Variants in PRDM16 observed in about 807,000 individuals in gnomAD.
PRDM16 encodes the protein PR/SET domain 16, also known as histone-lysine N-methyltransferase PRDM16.
PRDM16 carries 23 observed loss-of-function variants against 110.6 expected under a neutral mutation model. The observed-to-expected ratio is 0.21, with a 90% CI of 0.15 to 0.29. The LOEUF (loss-of-function observed/expected upper bound fraction) is 0.29, where lower values mean the gene tolerates loss of function less well. PRDM16 is among the 10% of genes least tolerant of loss of function. PRDM16 has a pLI of 1.00. For missense variants in PRDM16, 1,615 were observed against 1,794.3 expected (o/e 0.90, Z 1.81); for synonymous variants, 799 against 781.8 (o/e 1.02, Z -0.37).
At chr1:3,430,505 C>T (rs1249838140) in intron 14 of PRDM16, among the ~76,000 whole-genome samples, 2 of 152,248 alleles carry the variant, frequency 1.3e-5, no homozygotes, top group Non-Finnish European at 2.9e-5. Flanking sequence ...GAGGGTGCCC[C>T]TCGTGCACTG....
At chr1:3,193,060 C>T (rs549681840) in intron 2 of PRDM16, among the ~76,000 whole-genome samples, 6 of 151,994 alleles carry the variant, frequency 3.9e-5, no homozygotes, top group East Asian at 1.9e-4. Flanking sequence ...GCAGACACAG[C>T]GGCCAGATGG....
rs932569189 is a variant in PRDM16, at chr1:3,412,664, C to T, written c.2467C>T (p.Arg823Cys). 48 of 1,526,146 alleles carry T rather than the reference C, an allele frequency of 3.1e-5. No homozygotes were observed. Among genetic ancestry groups the T allele is most frequent in the African/African-American group, 5.6e-5 (4 of 71,994 alleles). 94.5% of individuals were successfully genotyped at this position (1,526,146 alleles called of 1,614,324 possible). A position where few individuals can be genotyped will look rare whatever the true frequency, so the allele number is the denominator to read the frequency against. ...CCAAAACGGCGGCGGGCGGGAGCCC[C>T]GCAAGAACCACGTCTATGGGGAACG... ...ASQNGGGREP[R>C]KNHVYGERKL... The change falls in exon 9 of 17, where the codon CGC becomes TGC. Residue 823 changes from arginine to cysteine, a missense_variant. By Grantham distance (180) the Arg-to-Cys change is radical (BLOSUM62 -3). Around this residue, in one of 5 missense-constraint regions of PRDM16, gnomAD observed 772 missense variants for 748.3 expected, o/e 1.03. Coordinates refer to ENST00000270722, the MANE Select transcript of PRDM16 (RefSeq NM_022114.4).
intron 1 of PRDM16, among the ~76,000 whole-genome samples, chr1:3,121,378 C>T (rs891668995): frequency 3.3e-5 from 5 of 152,354 alleles, no homozygotes; most frequent in South Asian, 2.1e-4. Context: ...ATTTTAAAAG[C>T]CTGTCCTGGA....
Position 3,402,921 on chromosome 1 carries a change from G to A in PRDM16, c.807G>A (p.Lys269=). Residue 269 remains lysine, a synonymous_variant, in exon 6 of 17, where the codon AAG becomes AAA. Coordinates refer to ENST00000270722, the MANE Select transcript of PRDM16 (RefSeq NM_022114.4). ...ACGAGGGCCTGGCTGAGGAGCTCAAGCCCGAGGGCCTTGGCGGTGGCAGCG... is the reference window on the plus strand; with the variant it reads ...ACGAGGGCCTGGCTGAGGAGCTCAAACCCGAGGGCCTTGGCGGTGGCAGCG... ...ALYEGLAEEL[K]PEGLGGGSGQ... The A allele has an allele frequency of 6.2e-7, 1 of 1,612,826 alleles. No homozygotes were observed. Among genetic ancestry groups the A allele is most frequent in the Non-Finnish European group, 8.5e-7 (1 of 1,179,974 alleles).
chr1:3,141,210 C>A (rs1643543594), intron 1 of PRDM16, among the ~76,000 whole-genome samples: 1 of 152,236 alleles, frequency 6.6e-6, no homozygotes, highest in Non-Finnish European at 1.5e-5. Flanking sequence ...GATATTTAGA[C>A]TTATGGGCCA....
intron 1 of PRDM16, among the ~76,000 whole-genome samples, chr1:3,125,706 G>C (rs1385642920): frequency 6.6e-6 from 1 of 152,242 alleles, no homozygotes; most frequent in Admixed American, 6.5e-5. Flanking sequence ...GTTTGCTGTC[G>C]GTCACGGCAG....
intron 3 of PRDM16, among the ~76,000 whole-genome samples, chr1:3,294,878 C>G (rs974663862): frequency 1.3e-5 from 2 of 152,200 alleles, no homozygotes; most frequent in Non-Finnish European, 2.9e-5. Flanking sequence ...AGAACCAACC[C>G]CACGTGCCTT....
intron 3 of PRDM16, among the ~76,000 whole-genome samples, chr1:3,249,297 G>C (rs1349844250): frequency 6.6e-6 from 1 of 152,144 alleles, no homozygotes; most frequent in Non-Finnish European, 1.5e-5. Flanking sequence ...GCTGCAGAAG[G>C]AGGCGCTGCT....
intron 1 of PRDM16, among the ~76,000 whole-genome samples, chr1:3,112,127 C>G (rs933022369): frequency 2.9e-4 from 44 of 152,294 alleles, no homozygotes; most frequent in Middle Eastern, 3.4e-3. Context: ...TCCTTTCCCC[C>G]CCTTATTTTT....
At chr1:3,225,141 T>C (rs1639256199) in intron 2 of PRDM16, among the ~76,000 whole-genome samples, 2 of 143,886 alleles carry the variant, frequency 1.4e-5, no homozygotes, top group Non-Finnish European at 3.0e-5. Flanking sequence ...TGGCAAAATA[T>C]GGCTTTTAGC....
intron 3 of PRDM16, among the ~76,000 whole-genome samples, chr1:3,355,969 T>A (rs1165948517): frequency 6.6e-6 from 1 of 151,118 alleles, no homozygotes; most frequent in Non-Finnish European, 1.5e-5. Context: ...CTTTCCCCAC[T>A]CCTCTGGGCA....
chr1:3,401,357 G>A (rs940749229), intron 5 of PRDM16, among the ~76,000 whole-genome samples: 1 of 152,108 alleles, frequency 6.6e-6, no homozygotes, highest in Non-Finnish European at 1.5e-5. Context: ...TTGAGTCAAC[G>A]TTCAGACCAA....
At chr1:3,280,592 G>A (rs942494755) in intron 3 of PRDM16, among the ~76,000 whole-genome samples, 1 of 152,332 alleles carries the variant, frequency 6.6e-6, no homozygotes, top group East Asian at 1.9e-4. Context: ...GAGCCTGGAG[G>A]CAGCTGGAAG....
intron 3 of PRDM16, among the ~76,000 whole-genome samples, chr1:3,287,549 G>A (rs75291691): frequency 3.4e-5 from 2 of 58,576 alleles, no homozygotes; most frequent in Admixed American, 1.8e-4. Flanking sequence ...CGGGGCTGGA[G>A]CCGCCCCCTG....
At chr1:3,141,382 G>A (rs187940311) in intron 1 of PRDM16, among the ~76,000 whole-genome samples, 94 of 152,354 alleles carry the variant, frequency 6.2e-4, no homozygotes, top group East Asian at 4.8e-3. Flanking sequence ...GAGGAGGGAC[G>A]GGGGAGCCGG....
chr1:3,169,074 G>A (rs1371378169), intron 1 of PRDM16, among the ~76,000 whole-genome samples: 2 of 152,154 alleles, frequency 1.3e-5, no homozygotes, highest in East Asian at 1.9e-4. Context: ...GTGCTGTGCC[G>A]CTGCTGCGGT....
chr1:3,158,102 T>C (rs1324706588), intron 1 of PRDM16, among the ~76,000 whole-genome samples: 3 of 152,202 alleles, frequency 2.0e-5, no homozygotes, highest in Non-Finnish European at 4.4e-5. Flanking sequence ...CATAAATGAT[T>C]TCTGGTGTGG....
intron 3 of PRDM16, among the ~76,000 whole-genome samples, chr1:3,293,734 G>A (rs940116020): frequency 5.9e-5 from 9 of 152,194 alleles, no homozygotes; most frequent in Non-Finnish European, 7.3e-5. Flanking sequence ...AGTCCAGCAC[G>A]GCTGTTTGTG....
chr1:3,253,365 C>T lies in PRDM16; in HGVS notation c.438+9228C>T, dbSNP rs1247590673. The stretch of plus-strand genomic sequence containing the variant: ...AATGCTATCCCTCCCCCCCTCCCCC[C>T]ACCCCACAACAGTCCCCAGAGTGTG... On this transcript the variant is annotated intron_variant, in intron 3 of 16. Transcript: ENST00000270722. 9.6e-4 allele frequency among the ~76,000 whole-genome samples: 114 copies of T among 119,346 alleles called. 1 individual carries two copies. Among genetic ancestry groups the T allele is most frequent in the Non-Finnish European group, 1.3e-3 (73 of 58,218 alleles). The allele number at this position is 119,346 out of a possible 152,430, so 78.3% of individuals were successfully genotyped here.
Sources: gnomAD v4.1 joint callset for allele counts (sites outside exome capture counted in the v4.1 genomes callset) on GRCh38, gnomAD v4.1.1 for gene constraint, gnomAD v4.1.1 regional missense constraint, MANE v1.5 for transcripts, NCBI Gene and HGNC (gene_info 2026-07-23, HGNC 2026-07-21) for gene names.